Variants in KTN1 observed in about 807,000 individuals in gnomAD.
KTN1 encodes kinectin.
KTN1 carries 130 observed loss-of-function variants against 222.5 expected under a neutral mutation model. That is an observed-to-expected ratio of 0.58 (90% CI 0.51 to 0.68). The LOEUF (loss-of-function observed/expected upper bound fraction) is 0.68. Among genes scored for constraint, KTN1 ranks in the 30% least tolerant of loss-of-function variants. KTN1 has a pLI of 0.00. For missense variants in KTN1, 1,508 were observed against 1,500.4 expected (o/e 1.01, Z -0.08); for synonymous variants, 512 against 496.3 (o/e 1.03, Z -0.42).
rs766162697 is a variant in KTN1, at chr14:55,628,076, A to C, written c.1080+48A>C. The C allele has an allele frequency of 2.3e-5, 26 of 1,134,904 alleles. No homozygotes were observed. In the Middle Eastern group the frequency reaches 8.0e-4, roughly 35 times the overall value. 70.3% of individuals were successfully genotyped at this position (1,134,904 alleles called of 1,614,324 possible). On this transcript the variant is annotated intron_variant, in intron 6 of 43. Coordinates refer to ENST00000395314, the MANE Select transcript of KTN1 (RefSeq NM_001079521.2). ...GGGATATACTTCCCAAATCAGAAGC[A>C]ACAAAAGATTTTAGAAATTGTCCAT...
At chr14:55,633,123 C>A (rs550344565) in intron 7 of KTN1, 112 bp from the exon 8 acceptor site, 3 of 483,592 alleles carry the variant, frequency 6.2e-6, no homozygotes, top group Non-Finnish European at 1.1e-5. Flanking sequence ...AAGAATGATT[C>A]AAACTTCATT....
rs149795430 is a variant in KTN1 at position 55,661,569 on chromosome 14, A to G, written c.3047A>G (p.Asp1016Gly). 2.0e-4 allele frequency: 321 copies of G among 1,604,708 alleles called. 1 individual carries two copies. In the African/African-American group the frequency reaches 3.9e-3, roughly 20 times the overall value. ...ATAAGTGGTCTCTGGAATGAGTTAG[A>G]TTCTTTGAAGGATGCAGTTGAACAC... ...KEISGLWNEL[D>G]SLKDAVEHQR... is the part of the protein sequence containing the mutation. Residue 1016 changes from aspartate to glycine, a missense_variant, in exon 32 of 44, where the codon GAT (aspartate) becomes GGT (glycine). Transcript: ENST00000395314.
intron 33 of KTN1, among the ~76,000 whole-genome samples, chr14:55,666,178 T>C (rs1195834560): frequency 6.6e-6 from 1 of 152,000 alleles, no homozygotes; most frequent in Non-Finnish European, 1.5e-5. Context: ...GCTTTTTGTG[T>C]GTATGGAAAA....
intron 34 of KTN1, chr14:55,668,578 G>C (rs1322374272): frequency 6.6e-6 from 1 of 152,042 alleles, no homozygotes; most frequent in Non-Finnish European, 1.5e-5. Flanking sequence ...CATGGGCGGT[G>C]GTGTGCACTT....
intron 1 of KTN1, among the ~76,000 whole-genome samples, chr14:55,583,466 A>G (rs566236692): frequency 1.3e-5 from 2 of 152,338 alleles, no homozygotes; most frequent in African/African-American, 4.8e-5. Context: ...TAGCTACTAC[A>G]GGGAGATTAA....
intron 8 of KTN1, 128 bp from the exon 9 acceptor site, chr14:55,634,398 G>A: frequency 7.4e-6 from 5 of 672,994 alleles, no homozygotes; most frequent in South Asian, 2.7e-5. Flanking sequence ...AGTCACTTGT[G>A]TTCTGTTTCA....
chr14:55,654,008 C>T (rs1448638640), intron 28 of KTN1, among the ~76,000 whole-genome samples: 1 of 151,898 alleles, frequency 6.6e-6, no homozygotes, highest in African/African-American at 2.4e-5. Context: ...AATTTTAAAC[C>T]TTTCTGTAAT....
Position 55,671,891 on chromosome 14 carries a change from A to G in KTN1, c.3531+14A>G. Reference sequence around the variant, plus strand: ...ACTATTAAACAGGTATTTACAAAAGAAAAGCTTAGAGCAGTGGTTCTCGAT... The same window carrying G: ...ACTATTAAACAGGTATTTACAAAAGGAAAGCTTAGAGCAGTGGTTCTCGAT... On this transcript the variant is annotated intron_variant, in intron 37 of 43. Transcript: ENST00000395314. The G allele has an allele frequency of 1.4e-6, 2 of 1,452,024 alleles. No individual in the cohort carries two copies. 89.9% of individuals were successfully genotyped at this position (1,452,024 alleles called of 1,614,324 possible).
At chr14:55,675,382 G>T (rs963841615) in intron 40 of KTN1, 15 of 156,186 alleles carry the variant, frequency 9.6e-5, no homozygotes, top group Admixed American at 3.7e-4. Flanking sequence ...CAGTATTTTG[G>T]GAGTTTTAAT....
At chr14:55,643,475 A>C (rs1448457299) in intron 18 of KTN1, among the ~76,000 whole-genome samples, 1 of 152,286 alleles carries the variant, frequency 6.6e-6, no homozygotes, top group East Asian at 1.9e-4. Flanking sequence ...GGAAAAGCAG[A>C]GTATAGTTTC....
intron 32 of KTN1, 37 bp downstream of exon 32, chr14:55,661,649 T>C (rs761377711): frequency 8.9e-7 from 1 of 1,124,616 alleles, no homozygotes; most frequent in African/African-American, 1.6e-5. Flanking sequence ...CTTTTCTTTT[T>C]ATTACTTTAA....
At chr14:55,642,547 A>G (rs2041906697) in intron 18 of KTN1, among the ~76,000 whole-genome samples, 3 of 152,242 alleles carry the variant, frequency 2.0e-5, no homozygotes, top group Admixed American at 1.3e-4. Flanking sequence ...ACACATTAGA[A>G]TAGGAAGTTT....
intron 32 of KTN1, among the ~76,000 whole-genome samples, chr14:55,662,066 G>GC (rs997360894): frequency 7.4e-6 from 1 of 135,620 alleles, no homozygotes; most frequent in African/African-American, 2.8e-5. Context: ...ACCTCCTCCT[G>GC]CCCTTTTTTT....
In KTN1 at chr14:55,673,186, G is replaced by A. The variant is rs756073402; in HGVS notation, c.3702G>A (p.Leu1234=). The change falls in exon 40 of 44, where the codon TTG becomes TTA. Residue 1234 remains leucine (L), a synonymous_variant. Coordinates refer to ENST00000395314, the MANE Select transcript of KTN1 (RefSeq NM_001079521.2). ...VTEVRELKDL[L]TELQKKLDDS... ...CTTCATTGCAGCTGAAAGATCTGTTGACTGAATTGCAGAAAAAACTTGATG... is the reference window on the plus strand; with the variant it reads ...CTTCATTGCAGCTGAAAGATCTGTTAACTGAATTGCAGAAAAAACTTGATG... 5.6e-6 allele frequency: 9 copies of A among 1,612,588 alleles called. No individual in the cohort carries two copies. The South Asian group carries it at 9.9e-5, about 18-fold the overall frequency.
chr14:55,640,673 GGTTT>G lies in KTN1; in HGVS notation c.1983+237_1983+240del, dbSNP rs1313733635. Among the ~76,000 whole-genome samples, 4 of 151,970 alleles carry G rather than the reference GGTTT, an allele frequency of 2.6e-5. No individual in the cohort carries two copies. In the South Asian group the frequency reaches 6.2e-4, roughly 24 times the overall value. On this transcript the variant is annotated intron_variant, in intron 15 of 43. Transcript: ENST00000395314. ...GCAGTTAAAATTATCTTACTATGCT[GGTTT>G]GTTTGAGTCTTTTATTTGAGCCATT...
At chr14:55,608,401 C>T (rs2037051589) in intron 1 of KTN1, among the ~76,000 whole-genome samples, 1 of 151,958 alleles carries the variant, frequency 6.6e-6, no homozygotes, top group Non-Finnish European at 1.5e-5. Flanking sequence ...TGAGACTGTC[C>T]CCATGATTCT....
At chr14:55,622,713 AGATT>A (rs1566733363) in intron 5 of KTN1, among the ~76,000 whole-genome samples, 1 of 152,190 alleles carries the variant, frequency 6.6e-6, no homozygotes, top group Non-Finnish European at 1.5e-5. Flanking sequence ...AGTAGTCTCC[AGATT>A]GATGTTTCTG....
chr14:55,680,765 T>C (rs1047139994), intron 43 of KTN1: 3 of 1,257,272 alleles, frequency 2.4e-6, no homozygotes, highest in Admixed American at 1.9e-5. Context: ...AACATGACTT[T>C]CCATATAATA....
chr14:55,653,959 A>G (rs1352538613), intron 28 of KTN1, among the ~76,000 whole-genome samples: 2 of 152,208 alleles, frequency 1.3e-5, no homozygotes, highest in African/African-American at 2.4e-5. Context: ...ACATCTCTGA[A>G]TTAACCAAAA....
Sources: allele counts gnomAD v4.1 joint callset (sites outside exome capture counted in the v4.1 genomes callset), GRCh38; gene constraint gnomAD v4.1.1; transcripts MANE v1.5; gene names NCBI Gene and HGNC (gene_info 2026-07-23, HGNC 2026-07-21).